The following NOS1AP variants were observed in gnomAD, a reference collection of about 807,000 sequenced individuals.
NOS1AP encodes nitric oxide synthase 1 adaptor protein, also known as carboxyl-terminal PDZ ligand of neuronal nitric oxide synthase protein.
Under a neutral mutation model 56.2 loss-of-function variants are expected in NOS1AP, and 21 were observed. The ratio of observed to expected loss-of-function variants is 0.37; its 90% CI spans 0.26 to 0.54. The LOEUF (loss-of-function observed/expected upper bound fraction) is 0.54. Ranked by LOEUF, NOS1AP falls within the 20% of genes least tolerant of loss-of-function variation. The pLI, the probability that NOS1AP is intolerant of heterozygous loss-of-function variation, is 0.84. For missense variants in NOS1AP, 522 were observed against 657.8 expected (o/e 0.79, Z 2.26); for synonymous variants, 270 against 274.6 (o/e 0.98, Z 0.17).
At chr1:162,247,139 A>G (rs1232184019) in intron 2 of NOS1AP, among the ~76,000 whole-genome samples, 1 of 152,090 alleles carries the variant, frequency 6.6e-6, no homozygotes, top group Non-Finnish European at 1.5e-5. Flanking sequence ...AACTCTTAGC[A>G]TGTTTTTTGT....
intron 5 of NOS1AP, among the ~76,000 whole-genome samples, chr1:162,338,972 T>C (rs1657022136): frequency 6.6e-6 from 1 of 152,222 alleles, no homozygotes; most frequent in Non-Finnish European, 1.5e-5. Context: ...TCATTGCATT[T>C]GGACTTAACT....
At position 162,215,466 on chromosome 1, in the gene NOS1AP, C is replaced by T. The variant is rs991479482; in HGVS notation, c.177+60990C>T. ...TAGGCTCATGAGCCCTGGGTCATTG[C>T]TGTCTGCTGCTCTCTGTCCTGCTAT... On this transcript the variant is annotated intron_variant, in intron 2 of 9. Transcript: ENST00000361897. Among the ~76,000 whole-genome samples, 5 of 152,234 alleles carry T rather than the reference C, an allele frequency of 3.3e-5. 1 individual carries two copies. Among genetic ancestry groups the T allele is most frequent in the South Asian group, 4.1e-4 (2 of 4,832 alleles).
At chr1:162,366,649 A>G (rs1658096162) in intron 9 of NOS1AP, among the ~76,000 whole-genome samples, 2 of 152,082 alleles carry the variant, frequency 1.3e-5, no homozygotes, top group South Asian at 4.2e-4. Context: ...GCCTCTCTGG[A>G]TTTTCCAGAT....
In NOS1AP at chr1:162,255,490, A is replaced by ATTTTTTTTTTTTTTTT. The variant is rs35637289; in HGVS notation, c.178-31834_178-31819dup. 5.9e-4 allele frequency among the ~76,000 whole-genome samples: 36 copies of ATTTTTTTTTTTTTTTT among 60,992 alleles called. 4 individuals are homozygous for ATTTTTTTTTTTTTTTT. Among genetic ancestry groups the ATTTTTTTTTTTTTTTT allele is most frequent in the Admixed American group, 1.3e-3 (6 of 4,594 alleles). The allele number at this position is 60,992 out of a possible 152,430, so 40.0% of individuals were successfully genotyped here. ...ATGCATAGGTTATTTGCTGCTGCTG[A>ATTTTTTTTTTTTTTTT]TTTTTTTTTTTTTTTTTTTTTTTTT... On this transcript the variant is annotated intron_variant, in intron 2 of 9. Coordinates refer to ENST00000361897, the MANE Select transcript of NOS1AP (RefSeq NM_014697.3).
chr1:162,191,307 G>C (rs1489376837), intron 2 of NOS1AP, among the ~76,000 whole-genome samples: 1 of 152,166 alleles, frequency 6.6e-6, no homozygotes, highest in African/African-American at 2.4e-5. Context: ...GGCCCCACTT[G>C]CTTCTTTCCT....
intron 2 of NOS1AP, 99 bp downstream of exon 2, chr1:162,154,575 C>T (rs1204142134): frequency 2.7e-6 from 3 of 1,096,542 alleles, no homozygotes; most frequent in East Asian, 4.9e-5. Context: ...GATGGCTACA[C>T]CCCTTGCAAA....
At chr1:162,116,867 T>C (rs773756642) in intron 1 of NOS1AP, among the ~76,000 whole-genome samples, 113 of 152,214 alleles carry the variant, frequency 7.4e-4, no homozygotes, top group Non-Finnish European at 1.4e-3. Context: ...TACAGTTTCC[T>C]TAGAGACGTT....
At chr1:162,364,987 C>G (rs1658020867) in intron 8 of NOS1AP, 2 of 1,052,730 alleles carry the variant, frequency 1.9e-6, no homozygotes, top group Admixed American at 4.9e-5. Flanking sequence ...AGAGAGTGCC[C>G]CCTTCCACCT....
intron 5 of NOS1AP, among the ~76,000 whole-genome samples, chr1:162,340,497 G>C (rs928447476): frequency 6.6e-6 from 1 of 152,182 alleles, no homozygotes; most frequent in Non-Finnish European, 1.5e-5. Context: ...TTCCTGCACT[G>C]CTTTTTCTTT....
At chr1:162,113,636 G>T (rs1647799452) in intron 1 of NOS1AP, among the ~76,000 whole-genome samples, 1 of 152,128 alleles carries the variant, frequency 6.6e-6, no homozygotes, top group East Asian at 1.9e-4. Flanking sequence ...AGTGGTGGGG[G>T]TAGGGAGGGG....
chr1:162,090,713 T>A (rs987318288), intron 1 of NOS1AP, among the ~76,000 whole-genome samples: 4 of 152,072 alleles, frequency 2.6e-5, no homozygotes, highest in African/African-American at 9.6e-5. Flanking sequence ...TAGTTTAGTT[T>A]TTATCTCTAA....
chr1:162,323,284 G>C (rs948723202), intron 4 of NOS1AP, among the ~76,000 whole-genome samples: 3 of 152,258 alleles, frequency 2.0e-5, no homozygotes, highest in African/African-American at 7.2e-5. Context: ...CAGAAGCTAG[G>C]AGAGATGTGG....
intron 4 of NOS1AP, among the ~76,000 whole-genome samples, chr1:162,329,357 A>AT (rs1656691545): frequency 8.6e-6 from 1 of 115,692 alleles, no homozygotes; most frequent in Admixed American, 9.0e-5. Flanking sequence ...TTCACCAAGA[A>AT]AAAAAGAGAG....
chr1:162,353,797 C>CT (rs1657602442), intron 6 of NOS1AP, among the ~76,000 whole-genome samples: 1 of 152,196 alleles, frequency 6.6e-6, no homozygotes, highest in African/African-American at 2.4e-5. Context: ...CACCACCCAC[C>CT]TACCGACCCT....
intron 2 of NOS1AP, among the ~76,000 whole-genome samples, chr1:162,155,123 C>T (rs1462917152): frequency 5.3e-5 from 8 of 150,942 alleles, no homozygotes; most frequent in South Asian, 4.2e-4. Flanking sequence ...GGTGGGTAAG[C>T]GATGTGTTAT....
chr1:162,210,187 A>G (rs996191681), intron 2 of NOS1AP, among the ~76,000 whole-genome samples: 2 of 152,154 alleles, frequency 1.3e-5, no homozygotes, highest in Non-Finnish European at 2.9e-5. Context: ...ACATTTCTTC[A>G]GCAACAACTT....
At chr1:162,124,385 T>C (rs1050552187) in intron 1 of NOS1AP, among the ~76,000 whole-genome samples, 1 of 152,154 alleles carries the variant, frequency 6.6e-6, no homozygotes, top group African/African-American at 2.4e-5. Context: ...GGTATTTGTT[T>C]TTCAATTCCT....
chr1:162,239,535 A>G lies in NOS1AP; in HGVS notation c.178-47809A>G, dbSNP rs57421882. On this transcript the variant is annotated intron_variant, in intron 2 of 9. Transcript: ENST00000361897. ...AGAGTGAATATGTATTTGCACACAT[A>G]CTCACACAGATCAACACACGTGCTT... Among the ~76,000 whole-genome samples, 1,040 of 152,106 alleles carry G rather than the reference A, an allele frequency of 6.8e-3. 6 individuals carry two copies. The highest frequency in any genetic ancestry group is 0.024 in the African/African-American group (997 of 41,436).
chr1:162,268,777 A>G (rs976208540), intron 2 of NOS1AP, among the ~76,000 whole-genome samples: 4 of 152,170 alleles, frequency 2.6e-5, no homozygotes, highest in Non-Finnish European at 5.9e-5. Flanking sequence ...CTAAAAAAGA[A>G]GTCAGTAGAA....
Sources: gnomAD v4.1 joint callset for allele counts (sites outside exome capture counted in the v4.1 genomes callset) on GRCh38, gnomAD v4.1.1 for gene constraint, MANE v1.5 for transcripts, NCBI Gene and HGNC (gene_info 2026-07-23, HGNC 2026-07-21) for gene names.